The following KCNK10 variants were observed in gnomAD, a reference collection of about 807,000 sequenced individuals.
The protein encoded by KCNK10 is potassium channel subfamily K member 10.
A neutral mutation model predicts 47.7 loss-of-function variants in KCNK10; 25 were observed. The ratio of observed to expected loss-of-function variants is 0.52; its 90% CI spans 0.38 to 0.73. KCNK10 has a LOEUF of 0.73. Among genes scored for constraint, KCNK10 ranks in the 30% least tolerant of loss-of-function variants. KCNK10 has a pLI of 0.00. For synonymous variants in KCNK10, 303 were observed against 285.6 expected (o/e 1.06, Z -0.61); for missense variants, 563 against 714.5 (o/e 0.79, Z 2.42).
chr14:88,315,103 C>A (rs1402652664), intron 1 of KCNK10, among the ~76,000 whole-genome samples: 1 of 152,162 alleles, frequency 6.6e-6, no homozygotes, highest in Non-Finnish European at 1.5e-5. Context: ...CAGAGGGTGA[C>A]ATTTTGCCTG....
At chr14:88,326,181 G>GCCC (rs376789337), upstream of KCNK10, among the ~76,000 whole-genome samples, 13 of 97,444 alleles carry the variant, frequency 1.3e-4, no homozygotes, top group South Asian at 8.1e-4. Flanking sequence ...CAAGTTACCC[G>GCCC]CCCCCCCCCA....
intron 4 of KCNK10, among the ~76,000 whole-genome samples, chr14:88,209,137 C>A (rs1885375547): frequency 6.6e-6 from 1 of 152,106 alleles, no homozygotes; most frequent in South Asian, 2.1e-4. Context: ...TTCCGAGGAT[C>A]CCTTGTTGGT....
At chr14:88,212,876 G>A (rs1410993734) in intron 4 of KCNK10, among the ~76,000 whole-genome samples, 1 of 152,214 alleles carries the variant, frequency 6.6e-6, no homozygotes, top group Non-Finnish European at 1.5e-5. Flanking sequence ...CAGTTCAGGA[G>A]AGTGCAGTTT....
chr14:88,182,826 A>G lies in KCNK10; in HGVS notation c.*2709T>C, dbSNP rs1884415163. On this transcript the variant is annotated 3_prime_UTR_variant, in exon 7 of 7. Transcript: ENST00000319231. The stretch of plus-strand genomic sequence containing the variant: ...TATTCCTGCTGTATGCAGAGTTTCT[A>G]CAAAGTTAGCAAGTAAAGTGCAAAA... The G allele has an allele frequency of 6.6e-6, 1 of 152,388 alleles. No individual in the cohort carries two copies. 9.4% of individuals were successfully genotyped at this position (152,388 alleles called of 1,614,324 possible).
At chr14:88,187,720 G>A (rs1049261414) in intron 6 of KCNK10, among the ~76,000 whole-genome samples, 9 of 151,372 alleles carry the variant, frequency 5.9e-5, no homozygotes, top group Non-Finnish European at 1.3e-4. Flanking sequence ...GTTTTTCCAG[G>A]ATTTATGGGC....
intron 4 of KCNK10, among the ~76,000 whole-genome samples, chr14:88,220,825 A>T (rs1885785525): frequency 6.6e-6 from 1 of 152,050 alleles, no homozygotes; most frequent in East Asian, 1.9e-4. Flanking sequence ...GATACAACAA[A>T]CACATGCTCC....
chr14:88,273,338 G>A (rs549135589), intron 1 of KCNK10, among the ~76,000 whole-genome samples: 2 of 152,240 alleles, frequency 1.3e-5, no homozygotes, highest in Admixed American at 6.5e-5. Flanking sequence ...TGACCCACAG[G>A]AAGTCTCAGT....
chr14:88,309,641 C>T (rs569478895), intron 1 of KCNK10, among the ~76,000 whole-genome samples: 1 of 152,076 alleles, frequency 6.6e-6, no homozygotes, highest in South Asian at 2.1e-4. Context: ...AATAAAAGGC[C>T]CCAACACCCG....
chr14:88,292,993 GA>G (rs34016641), intron 1 of KCNK10, among the ~76,000 whole-genome samples: 44,220 of 151,808 alleles, frequency 0.29, 7,371 homozygotes, highest in Non-Finnish European at 0.37. Flanking sequence ...TTGAATATCT[GA>G]AAAAAAAGTA....
At chr14:88,248,446 C>T (rs959939742) in intron 2 of KCNK10, among the ~76,000 whole-genome samples, 1 of 152,000 alleles carries the variant, frequency 6.6e-6, no homozygotes, top group Non-Finnish European at 1.5e-5. Context: ...ATTTCATTTC[C>T]AGCTGGGCAT....
At chr14:88,191,445 A>T (rs1378063690) in intron 5 of KCNK10, among the ~76,000 whole-genome samples, 1 of 152,132 alleles carries the variant, frequency 6.6e-6, no homozygotes, top group African/African-American at 2.4e-5. Context: ...GAAACTGATC[A>T]CTTGTCTGAA....
rs967082932 is a variant in KCNK10, at chr14:88,182,091, A to G, written c.*3444T>C. The G allele has an allele frequency of 6.8e-6, 1 of 147,634 alleles. No homozygotes were observed. The highest frequency in any genetic ancestry group is 1.5e-5 in the Non-Finnish European group (1 of 67,214). The allele number at this position is 147,634 out of a possible 1,614,324, so 9.1% of individuals were successfully genotyped here. On this transcript the variant is annotated 3_prime_UTR_variant, in exon 7 of 7. Coordinates refer to ENST00000319231, the MANE Select transcript of KCNK10 (RefSeq NM_138317.3). ...ACACACACACACACACACACTCTAT[A>G]CAGCCCTGCCCCAAAGTGATAAATA...
chr14:88,216,835 A>G (rs1294460034), intron 4 of KCNK10, among the ~76,000 whole-genome samples: 1 of 152,210 alleles, frequency 6.6e-6, no homozygotes, highest in East Asian at 1.9e-4. Flanking sequence ...AATTGTTTAC[A>G]TTAAAACCAG....
Position 88,182,656 on chromosome 14 carries a change from G to A in KCNK10, c.*2879C>T, listed in dbSNP as rs528869386. On this transcript the variant is annotated 3_prime_UTR_variant, in exon 7 of 7. Coordinates refer to ENST00000319231, the MANE Select transcript of KCNK10 (RefSeq NM_138317.3). ...AATGTCTCAGGGAATGGGTTATGTA[G>A]AAAATTTTCCCACCCCCAGCCCAAG... The A allele has an allele frequency of 9.8e-5, 15 of 152,400 alleles. No individual in the cohort carries two copies. Among genetic ancestry groups the A allele is most frequent in the African/African-American group, 3.6e-4 (15 of 41,552 alleles). 9.4% of individuals were successfully genotyped at this position (152,400 alleles called of 1,614,324 possible). A position where few individuals can be genotyped will look rare whatever the true frequency, so the allele number is the denominator to read the frequency against.
intron 1 of KCNK10, among the ~76,000 whole-genome samples, chr14:88,292,994 A>G (rs1595125593): frequency 1.2e-4 from 2 of 16,826 alleles, no homozygotes; most frequent in East Asian, 5.4e-4. Flanking sequence ...TGAATATCTG[A>G]AAAAAAAGTA....
chr14:88,265,649 C>A (rs183992433), intron 1 of KCNK10, among the ~76,000 whole-genome samples: 2 of 152,194 alleles, frequency 1.3e-5, no homozygotes, highest in African/African-American at 4.8e-5. Context: ...TATGGTTTGG[C>A]TGTGTCCCCA....
intron 4 of KCNK10, 21 bp from the exon 5 acceptor site, chr14:88,192,431 A>G (rs75540543): frequency 0.017 from 28,037 of 1,605,196 alleles, 331 homozygotes; most frequent in Non-Finnish European, 0.02. Flanking sequence ...CAAAGGAGAA[A>G]GATAGGCAAG....
intron 1 of KCNK10, among the ~76,000 whole-genome samples, chr14:88,282,660 C>T (rs1398707687): frequency 2.0e-5 from 3 of 152,198 alleles, no homozygotes; most frequent in Non-Finnish European, 4.4e-5. Context: ...AGCACAATTG[C>T]ACACTGTCTC....
At chr14:88,281,421 A>G (rs1887646533) in intron 1 of KCNK10, among the ~76,000 whole-genome samples, 1 of 152,294 alleles carries the variant, frequency 6.6e-6, no homozygotes, top group South Asian at 2.1e-4. Flanking sequence ...GAGTGAGTAA[A>G]GCAGATTTCT....
Sources: allele counts gnomAD v4.1 joint callset (sites outside exome capture counted in the v4.1 genomes callset), GRCh38; gene constraint gnomAD v4.1.1; transcripts MANE v1.5; gene names NCBI Gene and HGNC (gene_info 2026-07-23, HGNC 2026-07-21).